AP1G1: variants seen among roughly 807,000 people sequenced by gnomAD.
AP1G1 encodes the protein AP-1 complex subunit gamma-1.
A neutral mutation model predicts 108.3 loss-of-function variants in AP1G1; 7 were observed. The ratio of observed to expected loss-of-function variants is 0.06; its 90% confidence interval spans 0.04 to 0.12. The LOEUF is 0.12. AP1G1 is among the 10% of genes least tolerant of loss of function. AP1G1 has a pLI of 1.00. For missense variants in AP1G1, 756 were observed against 1,010.7 expected (o/e 0.75, Z 3.42); for synonymous variants, 379 against 353.5 (o/e 1.07, Z -0.81).
At chr16:71,747,663 A>C (rs2145432353) in intron 16 of AP1G1, among the ~76,000 whole-genome samples, 1 of 152,200 alleles carries the variant, frequency 6.6e-6, no homozygotes, top group African/African-American at 2.4e-5. Flanking sequence ...GAAAAAAAAA[A>C]GGTATTAGAA....
intron 19 of AP1G1, among the ~76,000 whole-genome samples, chr16:71,739,888 A>G (rs1378138431): frequency 6.6e-6 from 1 of 152,200 alleles, no homozygotes; most frequent in African/African-American, 2.4e-5. Context: ...TAAAAGTGTC[A>G]AGATATAAAA....
rs1002790486 is a variant in AP1G1, at chr16:71,795,617, T to G, written c.-3-6135A>C. Among the ~76,000 whole-genome samples the G allele has an allele frequency of 1.3e-4, 20 of 152,222 alleles. 1 individual carries two copies. Among genetic ancestry groups the G allele is most frequent in the African/African-American group, 4.6e-4 (19 of 41,456 alleles). On this transcript the variant is annotated intron_variant, in intron 1 of 22. Transcript: ENST00000299980. ...TTTTTATTTCATATGTATATCTGAG[T>G]TGCTTTAACGCCATTTACAACCTGC...
chr16:71,808,454 G>A (rs932324697), intron 1 of AP1G1: 5 of 1,204,922 alleles, frequency 4.1e-6, no homozygotes, highest in African/African-American at 1.6e-5. Flanking sequence ...CCCTGAATGA[G>A]CCCTCAAAGA....
At position 71,808,769 on chromosome 16, in the gene AP1G1, G is replaced by C; in HGVS notation, c.-10C>G. The C allele has an allele frequency of 2.3e-6, 3 of 1,289,610 alleles. No homozygotes were observed. The highest frequency in any genetic ancestry group is 3.0e-6 in the Non-Finnish European group (3 of 988,736). The allele number at this position is 1,289,610 out of a possible 1,614,324, so 79.9% of individuals were successfully genotyped here. On this transcript the variant is annotated 5_prime_UTR_variant, in exon 1 of 23. Transcript: ENST00000299980. ...CGCCGGGAGTGACACTCACCGGCCCGAAACCTCGAATGAAACCAGCAGCTC... is the reference window on the plus strand; with the variant it reads ...CGCCGGGAGTGACACTCACCGGCCCCAAACCTCGAATGAAACCAGCAGCTC...
intron 5 of AP1G1, among the ~76,000 whole-genome samples, chr16:71,770,676 C>T (rs2031534555): frequency 6.6e-6 from 1 of 152,224 alleles, no homozygotes; most frequent in Non-Finnish European, 1.5e-5. Flanking sequence ...TGGGTTCTGA[C>T]TTTGTTGCCC....
At chr16:71,755,436 CA>C (rs979555412) in intron 12 of AP1G1, among the ~76,000 whole-genome samples, 1 of 150,846 alleles carries the variant, frequency 6.6e-6, no homozygotes, top group Admixed American at 6.6e-5. Flanking sequence ...GACCCTGTCT[CA>C]AAAAAACCCA....
At chr16:71,804,522 C>G (rs761501797) in intron 1 of AP1G1, among the ~76,000 whole-genome samples, 12 of 151,746 alleles carry the variant, frequency 7.9e-5, no homozygotes, top group Non-Finnish European at 5.9e-5. Flanking sequence ...ATCCTCCCAC[C>G]TGAGCCTCCT....
At chr16:71,737,265 T>TTGACA (rs1213055455) in intron 21 of AP1G1, among the ~76,000 whole-genome samples, 1 of 152,130 alleles carries the variant, frequency 6.6e-6, no homozygotes, top group Admixed American at 6.5e-5. Context: ...CTTTCACCAA[T>TTGACA]TGACACTACT....
Position 71,773,846 on chromosome 16 carries a change from G to C in AP1G1, c.327-484C>G, listed in dbSNP as rs115561289. 4.4e-3 allele frequency among the ~76,000 whole-genome samples: 656 copies of C among 147,684 alleles called. 11 individuals carry two copies. Among genetic ancestry groups the C allele is most frequent in the African/African-American group, 0.016 (636 of 40,588 alleles). ...TAATCCCAGCTACTTGGGAGGCTGA[G>C]TAGCTACCCAGGTTCAAGTGATTCT... On this transcript the variant is annotated intron_variant, in intron 3 of 22. Coordinates refer to ENST00000299980, the MANE Select transcript of AP1G1 (RefSeq NM_001128.6).
At chr16:71,764,880 GA>G in intron 7 of AP1G1, among the ~76,000 whole-genome samples, 154 bp from the exon 8 acceptor site, 1 of 152,146 alleles carries the variant, frequency 6.6e-6, no homozygotes, top group Middle Eastern at 3.4e-3. Flanking sequence ...CAGAAGAATT[GA>G]AAACATTTTC....
At chr16:71,805,316 C>T (rs1371301675) in intron 1 of AP1G1, among the ~76,000 whole-genome samples, 8 of 151,942 alleles carry the variant, frequency 5.3e-5, no homozygotes, top group South Asian at 2.1e-4. Context: ...GGCATGGTGG[C>T]GCACGCTTGT....
intron 1 of AP1G1, among the ~76,000 whole-genome samples, chr16:71,798,882 C>T (rs891729764): frequency 1.3e-5 from 2 of 151,362 alleles, no homozygotes; most frequent in South Asian, 4.2e-4. Flanking sequence ...GGGTGAGACT[C>T]TGTCTCCCAG....
At chr16:71,784,054 T>C (rs1027569072) in intron 2 of AP1G1, among the ~76,000 whole-genome samples, 1 of 152,228 alleles carries the variant, frequency 6.6e-6, no homozygotes, top group African/African-American at 2.4e-5. Flanking sequence ...CTGAGGATAC[T>C]GTCTCTTACA....
chr16:71,750,091 A>T lies in AP1G1; in HGVS notation c.1408-108T>A, dbSNP rs939609105. 4.1e-6 allele frequency: 6 copies of T among 1,461,110 alleles called. No homozygotes were observed. In the South Asian group the frequency reaches 4.6e-5, roughly 11 times the overall value. 90.5% of individuals were successfully genotyped at this position (1,461,110 alleles called of 1,614,324 possible). On this transcript the variant is annotated intron_variant, in intron 14 of 22. Transcript: ENST00000299980. ...AAAGATCAAAACTGTGCATATCTAG[A>T]GTGTTAGAAATAAAGACATACCAAA...
intron 1 of AP1G1, among the ~76,000 whole-genome samples, chr16:71,798,614 G>A (rs918850261): frequency 2.6e-5 from 4 of 152,098 alleles, no homozygotes; most frequent in African/African-American, 9.7e-5. Flanking sequence ...CGGGCGTGGT[G>A]CGGTGGCTCA....
Position 71,808,609 on chromosome 16 carries a change from G to C in AP1G1, c.-4+154C>G, listed in dbSNP as rs974289744. The C allele has an allele frequency of 1.9e-5, 25 of 1,289,586 alleles. No homozygotes were observed. The East Asian group carries it at 1.2e-3, about 63-fold the overall frequency. The allele number at this position is 1,289,586 out of a possible 1,614,324, so 79.9% of individuals were successfully genotyped here. Reference sequence around the variant, plus strand: ...AGTCGGAGCAGCCCCTGGGGCTCCCGGCCTCTCCTGGCCCAGCTTCTCTGT... The same window carrying C: ...AGTCGGAGCAGCCCCTGGGGCTCCCCGCCTCTCCTGGCCCAGCTTCTCTGT... On this transcript the variant is annotated intron_variant, in intron 1 of 22. Transcript: ENST00000299980.
intron 11 of AP1G1, among the ~76,000 whole-genome samples, chr16:71,757,429 C>T (rs1452222862): frequency 3.4e-5 from 5 of 148,906 alleles, no homozygotes; most frequent in African/African-American, 1.0e-4. Context: ...CCAGCCTGAG[C>T]GACACAAGAC....
intron 3 of AP1G1, 110 bp from the exon 4 acceptor site, chr16:71,773,472 A>G: frequency 9.1e-7 from 1 of 1,100,664 alleles, no homozygotes. Flanking sequence ...AACAAAAACA[A>G]TAGGATTATT....
chr16:71,761,625 T>C, intron 9 of AP1G1, 58 bp from the exon 10 acceptor site: 1 of 1,328,868 alleles, frequency 7.5e-7, no homozygotes, highest in Non-Finnish European at 1.1e-6. Context: ...TATTGTTTCC[T>C]GAGTTTAAAG....
Sources: allele counts gnomAD v4.1 joint callset (sites outside exome capture counted in the v4.1 genomes callset), GRCh38; gene constraint gnomAD v4.1.1; transcripts MANE v1.5; gene names NCBI Gene and HGNC (gene_info 2026-07-23, HGNC 2026-07-21).